Variants in FAM135B observed in about 807,000 individuals in gnomAD.
FAM135B encodes the protein protein FAM135B.
FAM135B carries 43 observed loss-of-function variants against 127.7 expected under a neutral mutation model. The observed-to-expected ratio is 0.34, with a 90% CI of 0.26 to 0.43. The LOEUF is 0.43. FAM135B is among the 20% of genes least tolerant of loss of function. The pLI, the probability that FAM135B is intolerant of heterozygous loss-of-function variation, is 1.00. For synonymous variants in FAM135B, 670 were observed against 665.1 expected, an observed-to-expected ratio of 1.01 and a Z score of -0.11; for missense variants, 1,558 against 1,725.6, an observed-to-expected ratio of 0.90 and a Z score of 1.72.
At position 138,193,136 on chromosome 8, in the gene FAM135B, C is replaced by T. The variant is rs776475309; in HGVS notation, c.873+2122G>A. On this transcript the variant is annotated intron_variant, in intron 9 of 19. Transcript: ENST00000395297. ...AGTGGTCCCTGCCTGCCCTCACGAC[C>T]GCACAGCTGGGGCTCTGGAGGCAGA... 1.1e-3 allele frequency among the ~76,000 whole-genome samples: 173 copies of T among 152,310 alleles called. 1 individual carries two copies. The highest frequency in any genetic ancestry group is 3.4e-3 in the Middle Eastern group (1 of 294).
intron 7 of FAM135B, among the ~76,000 whole-genome samples, chr8:138,217,432 CTTTT>C (rs538347463): frequency 7.7e-6 from 1 of 129,266 alleles, no homozygotes; most frequent in Admixed American, 8.3e-5. Context: ...TGATATATTT[CTTTT>C]TTTTTTTTTT....
At position 138,130,368 on chromosome 8, in the gene FAM135B, A is replaced by G. The variant is rs1317662772; in HGVS notation, c.*2225T>C. The stretch of plus-strand genomic sequence containing the variant: ...ATTATAATAGATGCTCAGAGGCCAG[A>G]GAGGGTTTACAAAGACAGCAGAGCA... On this transcript the variant is annotated 3_prime_UTR_variant, in exon 20 of 20. Coordinates refer to ENST00000395297, the MANE Select transcript of FAM135B (RefSeq NM_015912.4). The G allele has an allele frequency of 1.3e-5, 2 of 152,232 alleles. No individual in the cohort carries two copies. Among genetic ancestry groups the G allele is most frequent in the Middle Eastern group, 3.4e-3 (1 of 294 alleles). 9.4% of individuals were successfully genotyped at this position (152,232 alleles called of 1,614,324 possible).
At chr8:138,438,594 T>G (rs1234929854) in intron 1 of FAM135B, 1 of 152,176 alleles carries the variant, frequency 6.6e-6, no homozygotes, top group Admixed American at 6.5e-5. Flanking sequence ...GGTTCAATTT[T>G]GAATACAGCA....
At chr8:138,281,103 A>G (rs1435233991) in intron 3 of FAM135B, among the ~76,000 whole-genome samples, 1 of 152,146 alleles carries the variant, frequency 6.6e-6, no homozygotes, top group Non-Finnish European at 1.5e-5. Context: ...TAGGTGGAAA[A>G]AAAACAGGCT....
chr8:138,164,095 C>A (rs1819671870), intron 12 of FAM135B, among the ~76,000 whole-genome samples: 1 of 152,090 alleles, frequency 6.6e-6, no homozygotes, highest in African/African-American at 2.4e-5. Flanking sequence ...CATGGCAAGG[C>A]GTAAGTATTA....
chr8:138,181,959 G>A (rs1208482171), intron 9 of FAM135B, among the ~76,000 whole-genome samples: 1 of 152,098 alleles, frequency 6.6e-6, no homozygotes, highest in East Asian at 1.9e-4. Context: ...AGCTGATAGA[G>A]AGTGAGGGTC....
chr8:138,211,433 G>T (rs1818135093), intron 7 of FAM135B, among the ~76,000 whole-genome samples: 1 of 152,108 alleles, frequency 6.6e-6, no homozygotes, highest in Non-Finnish European at 1.5e-5. Context: ...AACATTAATA[G>T]CTCAAAAATA....
chr8:138,310,224 T>C (rs1204912170), intron 3 of FAM135B, among the ~76,000 whole-genome samples: 3 of 152,176 alleles, frequency 2.0e-5, no homozygotes, highest in African/African-American at 7.2e-5. Flanking sequence ...AATTTACTAA[T>C]GCAAACTCCT....
intron 1 of FAM135B, among the ~76,000 whole-genome samples, chr8:138,464,146 G>A (rs1343507442): frequency 2.0e-5 from 3 of 152,130 alleles, no homozygotes; most frequent in African/African-American, 4.8e-5. Flanking sequence ...CAGCAGTAAC[G>A]GGCATACCAC....
chr8:138,161,019 A>G (rs1281067614), intron 12 of FAM135B, among the ~76,000 whole-genome samples: 6 of 152,206 alleles, frequency 3.9e-5, no homozygotes, highest in Admixed American at 3.3e-4. Flanking sequence ...CTATTATCCT[A>G]TTAGAGGTCA....
At chr8:138,375,429 G>C (rs1022885900) in intron 1 of FAM135B, among the ~76,000 whole-genome samples, 1 of 151,908 alleles carries the variant, frequency 6.6e-6, no homozygotes, top group African/African-American at 2.4e-5. Flanking sequence ...CAGGTTTTGG[G>C]ATAGACCAGC....
intron 7 of FAM135B, among the ~76,000 whole-genome samples, chr8:138,208,318 T>C (rs1817866095): frequency 6.6e-6 from 1 of 152,202 alleles, no homozygotes; most frequent in Non-Finnish European, 1.5e-5. Context: ...ATGATTAGAC[T>C]AAATGAATAC....
intron 1 of FAM135B, among the ~76,000 whole-genome samples, chr8:138,393,284 C>T (rs898122620): frequency 6.6e-6 from 1 of 152,118 alleles, no homozygotes; most frequent in Non-Finnish European, 1.5e-5. Flanking sequence ...TTCTTCCCAA[C>T]AGAGTCAAGT....
At chr8:138,412,864 C>T (rs1833937511) in intron 1 of FAM135B, among the ~76,000 whole-genome samples, 1 of 152,178 alleles carries the variant, frequency 6.6e-6, no homozygotes, top group Non-Finnish European at 1.5e-5. Flanking sequence ...TCTCTCCTTC[C>T]ATGATTTGCT....
chr8:138,418,597 T>A (rs1282113033), intron 1 of FAM135B, among the ~76,000 whole-genome samples: 1 of 151,776 alleles, frequency 6.6e-6, no homozygotes, highest in African/African-American at 2.4e-5. Flanking sequence ...CCAGCAGAAC[T>A]CTCAGCAAAA....
At chr8:138,157,512 T>C (rs1818881583) in intron 12 of FAM135B, among the ~76,000 whole-genome samples, 1 of 152,196 alleles carries the variant, frequency 6.6e-6, no homozygotes, top group South Asian at 2.1e-4. Flanking sequence ...AAATTGTCTC[T>C]GTTTGCAGAT....
Position 138,151,570 on chromosome 8 carries a change from T to C in FAM135B, c.2905A>G (p.Asn969Asp). ...TCCGGGAAGGCATTCACTCCTCTAT[T>C]AAATGCTGTGTCATCCATAATGCAA... ...SPCIMDDTAF[N>D]RGVNAFPEAK... The change falls in exon 13 of 20, where the codon AAT becomes GAT. Residue 969 changes from asparagine to aspartate, a missense_variant. Asn to Asp is a conservative substitution (Grantham distance 23). This residue lies in a region of FAM135B where 923 missense variants were observed against 865.3 expected (regional missense o/e 1.07). Transcript: ENST00000395297. 2 of 1,614,196 alleles carry C rather than the reference T, an allele frequency of 1.2e-6. No homozygotes were observed. Among genetic ancestry groups the C allele is most frequent in the Non-Finnish European group, 1.7e-6 (2 of 1,180,038 alleles).
At chr8:138,384,847 C>T (rs1475360897) in intron 1 of FAM135B, among the ~76,000 whole-genome samples, 1 of 152,098 alleles carries the variant, frequency 6.6e-6, no homozygotes, top group African/African-American at 2.4e-5. Flanking sequence ...CTCTGCTACT[C>T]TTCTTCCCCT....
chr8:138,474,000 G>A (rs1814238474), intron 1 of FAM135B, among the ~76,000 whole-genome samples: 1 of 152,154 alleles, frequency 6.6e-6, no homozygotes, highest in Non-Finnish European at 1.5e-5. Flanking sequence ...ACCACATAAA[G>A]ATCAGCATTC....
Sources: gnomAD v4.1 joint callset for allele counts (sites outside exome capture counted in the v4.1 genomes callset) on GRCh38, gnomAD v4.1.1 for gene constraint, gnomAD v4.1.1 regional missense constraint, MANE v1.5 for transcripts, NCBI Gene and HGNC (gene_info 2026-07-23, HGNC 2026-07-21) for gene names.